Variants in DGKI observed in about 807,000 individuals in gnomAD.
DGKI encodes the protein diacylglycerol kinase iota.
In DGKI, 55 loss-of-function variants were observed where a neutral mutation model predicts 147.5. The observed-to-expected ratio is 0.37, with a 90% CI of 0.30 to 0.47. The LOEUF (loss-of-function observed/expected upper bound fraction) is 0.47, where lower values mean the gene tolerates loss of function less well. DGKI is among the 20% of genes least tolerant of loss of function. The pLI, the probability that DGKI is intolerant of heterozygous loss-of-function variation, is 1.00. For missense variants in DGKI, 1,007 were observed against 1,323.8 expected, an observed-to-expected ratio of 0.76 and a Z score of 3.71; for synonymous variants, 469 against 477.1, an observed-to-expected ratio of 0.98 and a Z score of 0.22.
intron 22 of DGKI, among the ~76,000 whole-genome samples, chr7:137,486,093 G>A (rs918641426): frequency 6.6e-6 from 1 of 152,138 alleles, no homozygotes; most frequent in African/African-American, 2.4e-5. Flanking sequence ...ATTCACAGAT[G>A]TCAGCAATCC....
chr7:137,754,260 C>A (rs1191855384), intron 1 of DGKI, among the ~76,000 whole-genome samples: 1 of 152,162 alleles, frequency 6.6e-6, no homozygotes, highest in Non-Finnish European at 1.5e-5. Context: ...AGAGTATCAG[C>A]CTCTGCCACA....
chr7:137,473,988 A>C (rs1014771655), intron 23 of DGKI, among the ~76,000 whole-genome samples: 4 of 152,174 alleles, frequency 2.6e-5, no homozygotes, highest in African/African-American at 7.2e-5. Flanking sequence ...TAGAGTTCTA[A>C]CTTCTGTGAA....
At chr7:137,707,212 C>T (rs1459689204) in intron 1 of DGKI, among the ~76,000 whole-genome samples, 2 of 152,130 alleles carry the variant, frequency 1.3e-5, no homozygotes, top group Non-Finnish European at 2.9e-5. Flanking sequence ...GTCTGCTTAT[C>T]GTAAGTACCT....
intron 1 of DGKI, among the ~76,000 whole-genome samples, chr7:137,770,602 C>T (rs1276838023): frequency 4.3e-5 from 2 of 46,498 alleles, no homozygotes; most frequent in Non-Finnish European, 7.0e-5. Flanking sequence ...GGCGGGATCT[C>T]GGCTCACTGC....
chr7:137,540,981 T>C (rs1017804413), intron 20 of DGKI, among the ~76,000 whole-genome samples: 1 of 152,084 alleles, frequency 6.6e-6, no homozygotes, highest in Non-Finnish European at 1.5e-5. Context: ...ATAGACTCAA[T>C]ATAATTCCAG....
chr7:137,548,025 G>A (rs28660675), intron 20 of DGKI, among the ~76,000 whole-genome samples: 3 of 152,136 alleles, frequency 2.0e-5, no homozygotes, highest in Non-Finnish European at 4.4e-5. Context: ...GAATGAAGAA[G>A]GGAGTGATCA....
intron 1 of DGKI, among the ~76,000 whole-genome samples, chr7:137,782,410 C>A (rs1001789350): frequency 6.6e-6 from 1 of 152,086 alleles, no homozygotes; most frequent in South Asian, 2.1e-4. Context: ...GGCCTGGGAA[C>A]CACACCCCCA....
Position 137,722,408 on chromosome 7 carries a change from G to A in DGKI, c.402-32406C>T, listed in dbSNP as rs528055310. 1.2e-5 allele frequency: 19 copies of A among 1,612,228 alleles called. 1 individual carries two copies. In the South Asian group the frequency reaches 1.3e-4, roughly 11 times the overall value. ...TTCAGTCAGCACGTGAGAAAACTGC[G>A]AGCCAGCATTACCCCCGGGACCATT... is the stretch of plus-strand genomic sequence containing the variant. On this transcript the variant is annotated intron_variant, in intron 1 of 32. Coordinates refer to ENST00000614521, the MANE Select transcript of DGKI (RefSeq NM_001321708.2).
chr7:137,428,061 A>C (rs904807130), intron 28 of DGKI, among the ~76,000 whole-genome samples: 1 of 148,896 alleles, frequency 6.7e-6, no homozygotes, highest in African/African-American at 2.5e-5. Flanking sequence ...TGAGGCCAGC[A>C]TCATCCTGAT....
In DGKI at chr7:137,638,609, T is replaced by TAC. The variant is rs1563125820; in HGVS notation, c.804+6862_804+6863insGT. The stretch of plus-strand genomic sequence containing the variant: ...ACACATATATACATATATGTATATA[T>TAC]ATACACACACACATATATATGTGTG... On this transcript the variant is annotated intron_variant, in intron 6 of 32. Coordinates refer to ENST00000614521, the MANE Select transcript of DGKI (RefSeq NM_001321708.2). Among the ~76,000 whole-genome samples, 18 of 1,914 alleles carry TAC rather than the reference T, an allele frequency of 9.4e-3. 1 individual carries two copies. Among genetic ancestry groups the TAC allele is most frequent in the African/African-American group, 0.026 (17 of 654 alleles). The allele number at this position is 1,914 out of a possible 152,430, so 1.3% of individuals were successfully genotyped here.
chr7:137,749,180 TCAGA>T (rs1230677653), intron 1 of DGKI, among the ~76,000 whole-genome samples: 1 of 152,200 alleles, frequency 6.6e-6, no homozygotes, highest in Non-Finnish European at 1.5e-5. Flanking sequence ...TTAAGATAAC[TCAGA>T]CAGCTCCTCT....
chr7:137,543,601 G>A (rs1167386386), intron 20 of DGKI, among the ~76,000 whole-genome samples: 1 of 152,122 alleles, frequency 6.6e-6, no homozygotes, highest in Non-Finnish European at 1.5e-5. Flanking sequence ...TTCAAGAGCA[G>A]CATAAAGAGA....
At chr7:137,799,668 C>T (rs1335567396) in intron 1 of DGKI, among the ~76,000 whole-genome samples, 2 of 152,136 alleles carry the variant, frequency 1.3e-5, no homozygotes, top group African/African-American at 4.8e-5. Context: ...CACATGCTTT[C>T]CTAAGGAAAA....
chr7:137,525,103 A>G (rs1563068245), intron 20 of DGKI, among the ~76,000 whole-genome samples: 1 of 151,882 alleles, frequency 6.6e-6, no homozygotes, highest in African/African-American at 2.4e-5. Flanking sequence ...CATGGCATAA[A>G]AGACACTATT....
chr7:137,612,875 G>C (rs1820413218), intron 8 of DGKI, among the ~76,000 whole-genome samples: 1 of 152,134 alleles, frequency 6.6e-6, no homozygotes, highest in Admixed American at 6.6e-5. Flanking sequence ...CCCTCACTTG[G>C]ATTTTTGCAT....
At chr7:137,531,997 C>A (rs893660281) in intron 20 of DGKI, among the ~76,000 whole-genome samples, 2 of 150,294 alleles carry the variant, frequency 1.3e-5, no homozygotes, top group South Asian at 2.1e-4. Flanking sequence ...TACACATAAT[C>A]TTTAAATATT....
intron 1 of DGKI, among the ~76,000 whole-genome samples, chr7:137,814,442 G>C (rs1679840441): frequency 6.6e-6 from 1 of 152,062 alleles, no homozygotes; most frequent in South Asian, 2.1e-4. Flanking sequence ...CCAACATTTA[G>C]TTCATTATTT....
chr7:137,802,031 G>A (rs532332803), intron 1 of DGKI, among the ~76,000 whole-genome samples: 1 of 152,122 alleles, frequency 6.6e-6, no homozygotes, highest in Non-Finnish European at 1.5e-5. Context: ...AGAAAATGTG[G>A]TATAATTACA....
chr7:137,417,277 T>C (rs1325002356), intron 28 of DGKI, among the ~76,000 whole-genome samples: 1 of 152,194 alleles, frequency 6.6e-6, no homozygotes, highest in African/African-American at 2.4e-5. Context: ...ATTAAGTTTC[T>C]TGGAAAATTA....
Sources: allele counts gnomAD v4.1 joint callset (sites outside exome capture counted in the v4.1 genomes callset), GRCh38; gene constraint gnomAD v4.1.1; transcripts MANE v1.5; gene names NCBI Gene and HGNC (gene_info 2026-07-23, HGNC 2026-07-21).